COP1: variants seen among roughly 807,000 people sequenced by gnomAD.
The protein encoded by COP1 is COP1 E3 ubiquitin ligase.
Under a neutral mutation model 101.3 loss-of-function variants are expected in COP1, and 24 were observed. The observed-to-expected ratio is 0.24, with a 90% confidence interval of 0.17 to 0.33. The LOEUF (loss-of-function observed/expected upper bound fraction) is 0.33, where lower values mean the gene tolerates loss of function less well. COP1 is among the 10% of genes least tolerant of loss of function. The pLI, the probability that COP1 is intolerant of heterozygous loss-of-function variation, is 1.00. For missense variants in COP1, 663 were observed against 906.2 expected (o/e 0.73, Z 3.45); for synonymous variants, 347 against 341.9 (o/e 1.01, Z -0.17).
intron 15 of COP1, among the ~76,000 whole-genome samples, chr1:176,013,529 A>G (rs1409115939): frequency 1.3e-5 from 2 of 152,146 alleles, no homozygotes; most frequent in Admixed American, 1.3e-4. Context: ...CTCCTTGTAT[A>G]ATTTCTCATT....
chr1:176,124,758 A>G (rs1310340329), intron 8 of COP1, among the ~76,000 whole-genome samples: 1 of 152,172 alleles, frequency 6.6e-6, no homozygotes, highest in East Asian at 1.9e-4. Context: ...TTTCATGTAT[A>G]CGTTTCCTTT....
At chr1:176,148,061 C>G (rs1691845517) in intron 6 of COP1, among the ~76,000 whole-genome samples, 1 of 148,380 alleles carries the variant, frequency 6.7e-6, no homozygotes, top group Non-Finnish European at 1.5e-5. Flanking sequence ...GACTGGACAT[C>G]TTCTTCTTTC....
At chr1:176,179,968 A>G (rs1220189900) in intron 2 of COP1, among the ~76,000 whole-genome samples, 1 of 152,226 alleles carries the variant, frequency 6.6e-6, no homozygotes, top group East Asian at 1.9e-4. Context: ...TTGTAAAATC[A>G]AAGTATATCA....
At chr1:176,088,637 T>A (rs1230590371) in intron 9 of COP1, among the ~76,000 whole-genome samples, 1 of 152,138 alleles carries the variant, frequency 6.6e-6, no homozygotes, top group Non-Finnish European at 1.5e-5. Flanking sequence ...AATGAATTGC[T>A]TTTTCATTAT....
intron 9 of COP1, among the ~76,000 whole-genome samples, chr1:176,091,661 C>T (rs1219026751): frequency 6.6e-6 from 1 of 151,746 alleles, no homozygotes; most frequent in Non-Finnish European, 1.5e-5. Context: ...GAATAAATTT[C>T]AAAGACAACT....
At chr1:176,069,556 C>T (rs1676606890) in intron 11 of COP1, among the ~76,000 whole-genome samples, 1 of 152,190 alleles carries the variant, frequency 6.6e-6, no homozygotes, top group Non-Finnish European at 1.5e-5. Flanking sequence ...AGTAAACTAT[C>T]CAGTGCTAGA....
At chr1:176,175,553 C>G (rs955504525) in intron 3 of COP1, among the ~76,000 whole-genome samples, 5 of 152,208 alleles carry the variant, frequency 3.3e-5, no homozygotes, top group Non-Finnish European at 5.9e-5. Flanking sequence ...ATGCCACCCA[C>G]TGATCTGACA....
At chr1:176,131,110 C>T (rs1688811836) in intron 8 of COP1, among the ~76,000 whole-genome samples, 1 of 151,660 alleles carries the variant, frequency 6.6e-6, no homozygotes, top group South Asian at 2.1e-4. Context: ...GAGTTACATA[C>T]AATTTTAAAG....
chr1:176,020,905 C>A (rs961393016), intron 15 of COP1, among the ~76,000 whole-genome samples: 3 of 152,150 alleles, frequency 2.0e-5, no homozygotes, highest in African/African-American at 7.2e-5. Flanking sequence ...TTATAAAATA[C>A]TAAATAAGCA....
chr1:176,141,945 G>C (rs1282997171), intron 6 of COP1, among the ~76,000 whole-genome samples: 1 of 151,858 alleles, frequency 6.6e-6, no homozygotes, highest in Non-Finnish European at 1.5e-5. Context: ...TATTGTCCAG[G>C]CTGGTCTTGA....
intron 11 of COP1, among the ~76,000 whole-genome samples, chr1:176,078,717 A>C (rs1678542628): frequency 6.6e-6 from 1 of 152,034 alleles, no homozygotes; most frequent in Non-Finnish European, 1.5e-5. Flanking sequence ...CAGCCTAGGG[A>C]ATGGGTGAAA....
At chr1:176,169,137 A>G (rs552251563) in intron 3 of COP1, among the ~76,000 whole-genome samples, 1 of 152,314 alleles carries the variant, frequency 6.6e-6, no homozygotes, top group Admixed American at 6.5e-5. Context: ...TAATTAATAT[A>G]AACAAGGTTT....
intron 1 of COP1, among the ~76,000 whole-genome samples, chr1:176,197,664 C>A (rs1438690785): frequency 6.6e-6 from 1 of 152,112 alleles, no homozygotes; most frequent in Admixed American, 6.5e-5. Context: ...TAAACAATTA[C>A]CCAATCAAAT....
chr1:175,952,265 TACAAAAATTA>T (rs1650037335), intron 18 of COP1, among the ~76,000 whole-genome samples: 1 of 151,686 alleles, frequency 6.6e-6, no homozygotes, highest in African/African-American at 2.4e-5. Context: ...CTACTAAAAA[TACAAAAATTA>T]GCTGGGCGTG....
At chr1:175,991,148 TTC>T (rs1418617717) in intron 15 of COP1, among the ~76,000 whole-genome samples, 1 of 152,054 alleles carries the variant, frequency 6.6e-6, no homozygotes, top group Non-Finnish European at 1.5e-5. Flanking sequence ...TGGAGATACA[TTC>T]TGAGAAATGT....
chr1:175,976,638 C>T (rs1654671763), intron 18 of COP1, among the ~76,000 whole-genome samples: 1 of 152,036 alleles, frequency 6.6e-6, no homozygotes, highest in Non-Finnish European at 1.5e-5. Context: ...TAGTCCTCTA[C>T]TAGTACAAAC....
At chr1:176,161,470 A>G (rs998323810) in intron 5 of COP1, among the ~76,000 whole-genome samples, 2 of 152,032 alleles carry the variant, frequency 1.3e-5, no homozygotes, top group Non-Finnish European at 2.9e-5. Context: ...TTTAAAAACT[A>G]AAAAAATTAG....
intron 11 of COP1, among the ~76,000 whole-genome samples, chr1:176,064,003 T>C (rs984062332): frequency 1.3e-5 from 2 of 152,186 alleles, no homozygotes; most frequent in African/African-American, 2.4e-5. Context: ...TCTGAAAATA[T>C]GACAGAAGTT....
intron 1 of COP1, among the ~76,000 whole-genome samples, chr1:176,187,402 CGTGTGTGTGTGT>C (rs35205766): frequency 2.7e-5 from 4 of 149,126 alleles, no homozygotes; most frequent in Non-Finnish European, 6.0e-5. Context: ...TATAAATATA[CGTGTGTGTGTGT>C]GTGTGTGTGT....
Sources: gnomAD v4.1 joint callset for allele counts (sites outside exome capture counted in the v4.1 genomes callset) on GRCh38, gnomAD v4.1.1 for gene constraint, MANE v1.5 for transcripts, NCBI Gene and HGNC (gene_info 2026-07-23, HGNC 2026-07-21) for gene names.